The following DCHS2 variants were observed in gnomAD, a reference collection of about 807,000 sequenced individuals.
The protein encoded by DCHS2 is protocadherin-23.
Under a neutral mutation model 182.4 loss-of-function variants are expected in DCHS2, and 142 were observed. The observed-to-expected ratio is 0.78, with a 90% CI of 0.68 to 0.89. The LOEUF (loss-of-function observed/expected upper bound fraction) is 0.89, where lower values mean the gene tolerates loss of function less well. Among genes scored for constraint, DCHS2 ranks in the 40% least tolerant of loss-of-function variants. The pLI, the probability that DCHS2 is intolerant of heterozygous loss-of-function variation, is 0.00. For missense variants in DCHS2, 4,319 were observed against 4,198.6 expected (o/e 1.03, Z -0.79); for synonymous variants, 1,740 against 1,663.3 (o/e 1.05, Z -1.12).
chr4:154,473,636 G>A lies in DCHS2; in HGVS notation c.2052+15668C>T, dbSNP rs573662995. On this transcript the variant is annotated intron_variant, in intron 1 of 19. Transcript: ENST00000357232. ...ATGAAGATCTGAGTCACACCACCTT[G>A]ACAGAGAGGGGTGCTAGCCAAGCGT... is the stretch of plus-strand genomic sequence containing the variant. Among the ~76,000 whole-genome samples, 15 of 152,300 alleles carry A rather than the reference G, an allele frequency of 9.8e-5. No homozygotes were observed. The South Asian group carries it at 3.1e-3, about 32-fold the overall frequency.
At chr4:154,347,429 G>A (rs1729411317) in intron 3 of DCHS2, among the ~76,000 whole-genome samples, 1 of 151,476 alleles carries the variant, frequency 6.6e-6, no homozygotes, top group South Asian at 2.1e-4. Flanking sequence ...AGTTTCTTAA[G>A]TGCTCTGAGC....
chr4:154,357,263 T>G, intron 3 of DCHS2: 1 of 1,613,640 alleles, frequency 6.2e-7, no homozygotes. Context: ...AACTGTTCAT[T>G]ACTTCCTTGT....
chr4:154,392,460 G>A (rs746177291), intron 1 of DCHS2, among the ~76,000 whole-genome samples: 1 of 152,126 alleles, frequency 6.6e-6, no homozygotes, highest in East Asian at 1.9e-4. Context: ...AAAGAGTAGG[G>A]AGGCAAAGTG....
chr4:154,390,221 C>A, intron 1 of DCHS2, among the ~76,000 whole-genome samples: 1 of 149,376 alleles, frequency 6.7e-6, no homozygotes. Context: ...CCCACTAACT[C>A]GTCATCTAGC....
At chr4:154,358,301 T>A (rs537371173) in intron 3 of DCHS2, among the ~76,000 whole-genome samples, 13 of 152,316 alleles carry the variant, frequency 8.5e-5, no homozygotes, top group African/African-American at 3.1e-4. Flanking sequence ...GTGCTCAAGT[T>A]CCATCTTATT....
At chr4:154,466,816 T>C (rs147457212) in intron 1 of DCHS2, among the ~76,000 whole-genome samples, 29 of 152,302 alleles carry the variant, frequency 1.9e-4, no homozygotes, top group African/African-American at 7.0e-4. Flanking sequence ...TCAAGAAATA[T>C]AGGTAGTGTA....
rs59838555 is a variant in DCHS2, at chr4:154,292,306, T to G, written c.6463+5545A>C. On this transcript the variant is annotated intron_variant, in intron 13 of 19. Coordinates refer to ENST00000357232, the MANE Select transcript of DCHS2 (RefSeq NM_001358235.2). Reference sequence around the variant, plus strand: ...TCTTTCCCTTCATAGGAAAAGCTTGTGACAAATAAACTGATGTCTTTGTCT... The same window carrying G: ...TCTTTCCCTTCATAGGAAAAGCTTGGGACAAATAAACTGATGTCTTTGTCT... Among the ~76,000 whole-genome samples the G allele has an allele frequency of 6.5e-3, 991 of 152,326 alleles. 9 individuals carry two copies. Among genetic ancestry groups the G allele is most frequent in the African/African-American group, 0.023 (943 of 41,570 alleles).
At chr4:154,377,181 G>T in intron 2 of DCHS2, 72 bp downstream of exon 2, 1 of 1,402,106 alleles carries the variant, frequency 7.1e-7, no homozygotes, top group Non-Finnish European at 9.7e-7. Context: ...ATCATCATTG[G>T]TCCTCTGTGA....
intron 1 of DCHS2, among the ~76,000 whole-genome samples, chr4:154,380,101 T>C (rs193002995): frequency 5.9e-5 from 9 of 152,134 alleles, no homozygotes; most frequent in Non-Finnish European, 1.0e-4. Context: ...ACCCGAAATG[T>C]TAGTAGTGCC....
At chr4:154,399,102 A>G (rs977066563) in intron 1 of DCHS2, among the ~76,000 whole-genome samples, 5 of 152,224 alleles carry the variant, frequency 3.3e-5, no homozygotes, top group Non-Finnish European at 7.3e-5. Flanking sequence ...CAATTTCATG[A>G]TATCTGTCTT....
chr4:154,287,852 T>A (rs1734476789), intron 13 of DCHS2, among the ~76,000 whole-genome samples: 1 of 152,130 alleles, frequency 6.6e-6, no homozygotes, highest in African/African-American at 2.4e-5. Context: ...TGCCAAGTTA[T>A]CATCAGTTTA....
At chr4:154,320,358 G>C (rs760402062) in intron 9 of DCHS2, 21 bp downstream of exon 9, 2 of 1,579,548 alleles carry the variant, frequency 1.3e-6, no homozygotes, top group Middle Eastern at 3.4e-4. Context: ...ATTTTTAAAA[G>C]TGACATATAG....
intron 3 of DCHS2, among the ~76,000 whole-genome samples, chr4:154,358,412 T>C (rs1729970650): frequency 6.6e-6 from 1 of 152,162 alleles, no homozygotes; most frequent in Admixed American, 6.5e-5. Flanking sequence ...AGTTTGCCCT[T>C]AGCATTTCTT....
In DCHS2 at chr4:154,490,572, G is replaced by T; in HGVS notation, c.784C>A (p.His262Asn). 6.5e-7 allele frequency: 1 copy of T among 1,543,162 alleles called. No homozygotes were observed. Among genetic ancestry groups the T allele is most frequent in the Non-Finnish European group, 8.7e-7 (1 of 1,146,152 alleles). Residue 262 changes from histidine (H) to asparagine (N), a missense_variant, in exon 1 of 20, where the codon CAC becomes AAC. Coordinates refer to ENST00000357232, the MANE Select transcript of DCHS2 (RefSeq NM_001358235.2). ...RRLDREEAAA[H>N]RLQIEAWDGG... is the part of the protein sequence containing the mutation. ...TCCCATGCCTCGATCTGCAGCCGGT[G>T]CGCCGCCGCCTCCTCTCGGTCCAAG...
rs145036588 is a variant in DCHS2 at position 154,323,334 on chromosome 4, C to CAA, written c.4019-848_4019-847dup. 9.9e-3 allele frequency: 14,195 copies of CAA among 1,429,332 alleles called. 6 individuals carry two copies. The highest frequency in any genetic ancestry group is 0.014 in the South Asian group (1,043 of 72,370). The allele number at this position is 1,429,332 out of a possible 1,614,324, so 88.5% of individuals were successfully genotyped here. A position where few individuals can be genotyped will look rare whatever the true frequency, so the allele number is the denominator to read the frequency against. On this transcript the variant is annotated intron_variant, in intron 7 of 19. Coordinates refer to ENST00000357232, the MANE Select transcript of DCHS2 (RefSeq NM_001358235.2). Reference sequence around the variant, plus strand: ...CCTTCAGAGGCATAGGTCTAGCTGCCAAAAAAAAAAAAAAAGATGAAGTCT... The same window carrying CAA: ...CCTTCAGAGGCATAGGTCTAGCTGCCAAAAAAAAAAAAAAAAAGATGAAGTCT...
rs1728731676 is a variant in DCHS2, at chr4:154,335,084, G to A, written c.2497C>T (p.Pro833Ser). ...STTGIIYLTL[P>S]LSHLESTTLS... ...GTGGTAGATTCCAAATGACTAAGAG[G>A]TAATGTTAAGTAAATAATTCCTGGG... is the stretch of plus-strand genomic sequence containing the variant. Residue 833 changes from proline to serine, a missense_variant, in exon 4 of 20, where the codon CCT becomes TCT. Transcript: ENST00000357232. 4 of 1,606,484 alleles carry A rather than the reference G, an allele frequency of 2.5e-6. No homozygotes were observed. The highest frequency in any genetic ancestry group is 2.6e-6 in the Non-Finnish European group (3 of 1,173,084).
intron 1 of DCHS2, chr4:154,384,231 T>C (rs1731299165): frequency 3.7e-6 from 5 of 1,357,394 alleles, no homozygotes; most frequent in Admixed American, 4.9e-5. Flanking sequence ...CAAAGTCTAA[T>C]GATCGAGGCT....
chr4:154,264,148 G>A (rs1246245763), intron 14 of DCHS2, among the ~76,000 whole-genome samples: 1 of 152,106 alleles, frequency 6.6e-6, no homozygotes, highest in Non-Finnish European at 1.5e-5. Flanking sequence ...CCTCTTTTAA[G>A]GGCATAAATT....
chr4:154,258,731 C>T (rs1485819355), intron 15 of DCHS2, among the ~76,000 whole-genome samples: 1 of 151,968 alleles, frequency 6.6e-6, no homozygotes, highest in Non-Finnish European at 1.5e-5. Context: ...CAGGTTTTGT[C>T]CAGAAAATAT....
Sources: allele counts gnomAD v4.1 joint callset (sites outside exome capture counted in the v4.1 genomes callset), GRCh38; gene constraint gnomAD v4.1.1; transcripts MANE v1.5; gene names NCBI Gene and HGNC (gene_info 2026-07-23, HGNC 2026-07-21).